The following PHACTR4 variants were observed in gnomAD, a reference collection of about 807,000 sequenced individuals.
PHACTR4 encodes phosphatase and actin regulator 4.
A neutral mutation model predicts 72.7 loss-of-function variants in PHACTR4; 51 were observed. That is an observed-to-expected ratio of 0.70 (90% CI 0.56 to 0.89). The LOEUF is 0.89. Among genes scored for constraint, PHACTR4 ranks in the 40% least tolerant of loss-of-function variants. The probability of loss-of-function intolerance (pLI) is 0.00; values close to 1 mark genes in which losing one functional copy is unlikely to be tolerated. For missense variants in PHACTR4, 731 were observed against 861.8 expected (o/e 0.85, Z 1.90); for synonymous variants, 255 against 302.5 (o/e 0.84, Z 1.63).
intron 10 of PHACTR4, among the ~76,000 whole-genome samples, chr1:28,489,567 A>G (rs896943607): frequency 1.3e-5 from 2 of 152,212 alleles, no homozygotes; most frequent in African/African-American, 4.8e-5. Context: ...AGCTGTGCAT[A>G]TGGAGACCTT....
intron 1 of PHACTR4, among the ~76,000 whole-genome samples, chr1:28,380,336 G>A (rs530283228): frequency 2.6e-5 from 4 of 152,218 alleles, no homozygotes; most frequent in East Asian, 3.9e-4. Flanking sequence ...GATTACAGGC[G>A]TGAGCCACCG....
rs746271746 is a variant in PHACTR4, at chr1:28,459,241, T to A, written c.173T>A (p.Phe58Tyr). ...KWRKKKSSDK[F>Y]KETSEVLERK... is the part of the protein sequence containing the mutation. The stretch of plus-strand genomic sequence containing the variant: ...AGGAAAAAAAAAAGTAGTGATAAAT[T>A]TAAAGAGACTTCAGAAGGTGAGATA... Residue 58 changes from phenylalanine (F) to tyrosine (Y), a missense_variant, in exon 3 of 14, where the codon TTT becomes TAT. By Grantham distance (22) the Phe-to-Tyr change is conservative. Transcript: ENST00000373839. The A allele has an allele frequency of 2.3e-5, 37 of 1,613,498 alleles. 1 individual carries two copies. In the South Asian group the frequency reaches 4.0e-4, roughly 17 times the overall value.
At chr1:28,450,993 T>G (rs1657921830) in intron 2 of PHACTR4, among the ~76,000 whole-genome samples, 2 of 141,456 alleles carry the variant, frequency 1.4e-5, no homozygotes, top group African/African-American at 5.5e-5. Flanking sequence ...TTTTTTTTTT[T>G]TGTATTTTTA....
chr1:28,423,324 G>A (rs1042668102), intron 2 of PHACTR4, among the ~76,000 whole-genome samples: 6 of 151,972 alleles, frequency 3.9e-5, no homozygotes, highest in Non-Finnish European at 7.4e-5. Flanking sequence ...TGGGAGGATT[G>A]TTTAAGCCAG....
At chr1:28,453,492 T>G (rs997551865) in intron 2 of PHACTR4, 1 of 398,190 alleles carries the variant, frequency 2.5e-6, no homozygotes. Flanking sequence ...TGCAGTTGCC[T>G]GCCATTTTTA....
intron 2 of PHACTR4, among the ~76,000 whole-genome samples, chr1:28,416,789 A>G (rs998060490): frequency 3.3e-5 from 5 of 152,128 alleles, no homozygotes; most frequent in South Asian, 2.1e-4. Flanking sequence ...TGGCTTGTCT[A>G]TTTGCTTTCA....
chr1:28,384,930 A>C (rs1652447382), intron 1 of PHACTR4, among the ~76,000 whole-genome samples: 1 of 152,074 alleles, frequency 6.6e-6, no homozygotes, highest in African/African-American at 2.4e-5. Context: ...ATAAAACAAA[A>C]AACCCAAATC....
chr1:28,399,810 T>G (rs1653809171), intron 1 of PHACTR4, among the ~76,000 whole-genome samples: 1 of 152,166 alleles, frequency 6.6e-6, no homozygotes, highest in South Asian at 2.1e-4. Flanking sequence ...TAGAATGTTT[T>G]GAAAAGGGGG....
chr1:28,478,759 G>A (rs1340623257), intron 8 of PHACTR4, among the ~76,000 whole-genome samples: 2 of 151,220 alleles, frequency 1.3e-5, no homozygotes, highest in Non-Finnish European at 3.0e-5. Flanking sequence ...TGGCCCGGTA[G>A]TTCTATTTTT....
intron 2 of PHACTR4, among the ~76,000 whole-genome samples, chr1:28,430,394 G>C (rs1407557538): frequency 6.6e-6 from 1 of 152,102 alleles, no homozygotes; most frequent in Non-Finnish European, 1.5e-5. Context: ...CTGGCGAAGG[G>C]AGCAATTTGT....
intron 1 of PHACTR4, among the ~76,000 whole-genome samples, chr1:28,393,846 C>T (rs959338133): frequency 2.6e-5 from 4 of 152,042 alleles, no homozygotes; most frequent in Non-Finnish European, 5.9e-5. Flanking sequence ...GCTGGGACTA[C>T]AGGCACATGC....
At chr1:28,472,655 GC>G (rs1659634800) in intron 6 of PHACTR4, among the ~76,000 whole-genome samples, 2 of 151,250 alleles carry the variant, frequency 1.3e-5, no homozygotes, top group Middle Eastern at 6.8e-3. Flanking sequence ...AGCCTGGAGT[GC>G]AGTGGCATGA....
At chr1:28,392,967 GAC>G (rs1225709021) in intron 1 of PHACTR4, among the ~76,000 whole-genome samples, 1 of 152,164 alleles carries the variant, frequency 6.6e-6, no homozygotes, top group Non-Finnish European at 1.5e-5. Context: ...AGATGGAAAA[GAC>G]ACTAAATTTG....
At chr1:28,492,394 G>A (rs1661091408) in intron 12 of PHACTR4, among the ~76,000 whole-genome samples, 1 of 151,556 alleles carries the variant, frequency 6.6e-6, no homozygotes, top group African/African-American at 2.4e-5. Flanking sequence ...CCAAGATCAT[G>A]CCAATGCACT....
intron 1 of PHACTR4, among the ~76,000 whole-genome samples, chr1:28,384,959 C>A (rs543219182): frequency 1.3e-5 from 2 of 152,098 alleles, no homozygotes; most frequent in African/African-American, 2.4e-5. Flanking sequence ...ATTTGTTGAT[C>A]TTCTGAATGA....
rs1387587066 is a variant in PHACTR4 at position 28,432,988 on chromosome 1, C to T, written c.16+25525C>T. The stretch of plus-strand genomic sequence containing the variant: ...CTTGAACTCCTGGACTCAAGCAACC[C>T]CCGCTTGGCCTCCCAAAGTGCTGGG... On this transcript the variant is annotated intron_variant, in intron 2 of 13. Coordinates refer to ENST00000373839, the MANE Select transcript of PHACTR4 (RefSeq NM_001048183.3). 4 of 756,822 alleles carry T rather than the reference C, an allele frequency of 5.3e-6. No individual in the cohort carries two copies. The African/African-American group carries it at 5.7e-5, about 11-fold the overall frequency. The allele number at this position is 756,822 out of a possible 1,614,324, so 46.9% of individuals were successfully genotyped here. A position where few individuals can be genotyped will look rare whatever the true frequency, so the allele number is the denominator to read the frequency against.
At chr1:28,456,297 A>ACAT (rs2124459632) in intron 2 of PHACTR4, among the ~76,000 whole-genome samples, 1 of 152,314 alleles carries the variant, frequency 6.6e-6, no homozygotes, top group Non-Finnish European at 1.5e-5. Flanking sequence ...GGGAGATGCC[A>ACAT]CATACTTTTA....
intron 1 of PHACTR4, among the ~76,000 whole-genome samples, chr1:28,393,883 T>C (rs1315729323): frequency 1.3e-5 from 2 of 151,922 alleles, no homozygotes; most frequent in Non-Finnish European, 2.9e-5. Context: ...TTTTTTTTTT[T>C]CTTCTTCCCT....
chr1:28,378,710 G>C (rs1196597286), intron 1 of PHACTR4, among the ~76,000 whole-genome samples: 2 of 151,698 alleles, frequency 1.3e-5, no homozygotes, highest in Non-Finnish European at 2.9e-5. Flanking sequence ...GCAGCCAGCA[G>C]AGAGGCAGAT....
Sources: gnomAD v4.1 joint callset for allele counts (sites outside exome capture counted in the v4.1 genomes callset) on GRCh38, gnomAD v4.1.1 for gene constraint, MANE v1.5 for transcripts, NCBI Gene and HGNC (gene_info 2026-07-23, HGNC 2026-07-21) for gene names.